Variants in CYSLTR1 observed in about 807,000 individuals in gnomAD.
CYSLTR1 encodes the protein cysteinyl leukotriene receptor 1.
CYSLTR1 carries 1 observed loss-of-function variant against 2.1 expected under a neutral mutation model. That is an observed-to-expected ratio of 0.48 (90% CI 0.17 to 2.28). The LOEUF (loss-of-function observed/expected upper bound fraction) is 2.28. CYSLTR1 is among the 30% of genes most tolerant of loss of function. The probability of loss-of-function intolerance (pLI) is 0.26; values close to 1 mark genes in which losing one functional copy is unlikely to be tolerated. For missense variants in CYSLTR1, 299 were observed against 250.1 expected (o/e 1.20, Z -1.32); for synonymous variants, 110 against 89.6 (o/e 1.23, Z -1.28).
At chrX:78,326,088 G>A (rs1222591466) in intron 1 of CYSLTR1, among the ~76,000 whole-genome samples, 1 of 111,753 alleles carries the variant, frequency 8.9e-6, no homozygotes, top group Non-Finnish European at 1.9e-5. Flanking sequence ...ACCCTGATTG[G>A]CTGGTGTAGT....
intron 1 of CYSLTR1, among the ~76,000 whole-genome samples, chrX:78,326,914 T>C (rs147397279): frequency 8.9e-6 from 1 of 112,257 alleles, no homozygotes; most frequent in Admixed American, 9.5e-5. Flanking sequence ...TTACCTTCAG[T>C]AATTACTACA....
At chrX:78,299,740 AT>A (rs1471648599) in intron 1 of CYSLTR1, among the ~76,000 whole-genome samples, 1 of 111,199 alleles carries the variant, frequency 9.0e-6, no homozygotes, top group Admixed American at 9.6e-5. Flanking sequence ...ACCTCTGAAA[AT>A]TTTGATTATT....
rs199796245 is a variant in CYSLTR1, at chrX:78,272,589, G to A, written c.*144C>T. 1.4e-4 allele frequency: 68 copies of A among 495,360 alleles called. No individual in the cohort carries two copies. Among genetic ancestry groups the A allele is most frequent in the Non-Finnish European group, 2.0e-4 (67 of 328,867 alleles). The allele number at this position is 495,360 out of a possible 1,213,427, so 40.8% of individuals were successfully genotyped here. On this transcript the variant is annotated 3_prime_UTR_variant, in exon 3 of 3. Transcript: ENST00000373304. ...TCTATAAATATCTAATCATGTGGAT[G>A]CATAAATGAGATAGAGTTGTAGGCC... is the stretch of plus-strand genomic sequence containing the variant.
intron 1 of CYSLTR1, among the ~76,000 whole-genome samples, chrX:78,293,617 A>G (rs1452189559): frequency 8.9e-6 from 1 of 111,900 alleles, no homozygotes; most frequent in Non-Finnish European, 1.9e-5. Context: ...AGGTACACCA[A>G]TCAGACGTAG....
chrX:78,276,016 A>G (rs1428119846), intron 2 of CYSLTR1, among the ~76,000 whole-genome samples: 1 of 112,500 alleles, frequency 8.9e-6, no homozygotes, highest in Non-Finnish European at 1.9e-5. Flanking sequence ...TAAGGCTCTG[A>G]AGAAATATGT....
At chrX:78,315,685 AG>A (rs1923389407) in intron 1 of CYSLTR1, among the ~76,000 whole-genome samples, 1 of 111,250 alleles carries the variant, frequency 9.0e-6, no homozygotes, top group Admixed American at 9.5e-5. Context: ...TGGAATGGGG[AG>A]GGAAGAGTGG....
At chrX:78,276,655 T>C (rs1470409563) in intron 2 of CYSLTR1, among the ~76,000 whole-genome samples, 1 of 110,918 alleles carries the variant, frequency 9.0e-6, no homozygotes, top group Non-Finnish European at 1.9e-5. Context: ...TTATTATTAT[T>C]ATTACCAAGA....
Position 78,310,814 on chromosome X carries a change from C to T in CYSLTR1, c.-115+16491G>A, listed in dbSNP as rs775243063. 5.4e-5 allele frequency among the ~76,000 whole-genome samples: 6 copies of T among 111,004 alleles called. No homozygotes were observed. In the South Asian group the frequency reaches 2.3e-3, roughly 42 times the overall value. On this transcript the variant is annotated intron_variant, in intron 1 of 2. Coordinates refer to ENST00000373304, the MANE Select transcript of CYSLTR1 (RefSeq NM_006639.4). ...GTAGCCTGGCATATTTAAGGAACAT[C>T]TAACATTTTGATATGGCTAAAATAT...
chrX:78,303,389 G>A (rs756276839), intron 1 of CYSLTR1, among the ~76,000 whole-genome samples: 4 of 97,821 alleles, frequency 4.1e-5, no homozygotes, highest in Non-Finnish European at 8.2e-5. Flanking sequence ...TGCTATGAGA[G>A]CTCACCTGAT....
intron 1 of CYSLTR1, among the ~76,000 whole-genome samples, chrX:78,315,702 A>C (rs1923389552): frequency 9.0e-6 from 1 of 111,586 alleles, no homozygotes; most frequent in Admixed American, 9.4e-5. Flanking sequence ...AGTGGGAAGG[A>C]CTGCATTTTG....
intron 1 of CYSLTR1, among the ~76,000 whole-genome samples, chrX:78,325,335 C>T (rs917213784): frequency 1.4e-4 from 16 of 111,668 alleles, no homozygotes; most frequent in Admixed American, 1.2e-3. Flanking sequence ...GCTAGCCCTA[C>T]TGTCTCCCCA....
intron 1 of CYSLTR1, among the ~76,000 whole-genome samples, chrX:78,297,083 G>A (rs1381495654): frequency 9.0e-6 from 1 of 111,278 alleles, no homozygotes; most frequent in Non-Finnish European, 1.9e-5. Context: ...TTAGTTTTTT[G>A]AGAGTTTTGA....
intron 1 of CYSLTR1, chrX:78,319,911 C>T (rs1675740036): frequency 8.9e-6 from 1 of 111,988 alleles, no homozygotes; most frequent in East Asian, 2.8e-4. Context: ...TAAATGTCTT[C>T]TTTTGAGAAG....
chrX:78,314,907 G>C (rs1343534386), intron 1 of CYSLTR1, among the ~76,000 whole-genome samples: 1 of 108,844 alleles, frequency 9.2e-6, no homozygotes, highest in Non-Finnish European at 1.9e-5. Context: ...GTGGACTAGA[G>C]AAGCATGTGA....
At chrX:78,281,200 C>A (rs1277587225) in intron 2 of CYSLTR1, among the ~76,000 whole-genome samples, 3 of 110,893 alleles carry the variant, frequency 2.7e-5, no homozygotes, top group Non-Finnish European at 5.7e-5. Context: ...ACACTCCCAC[C>A]AACAGTGTAT....
intron 1 of CYSLTR1, among the ~76,000 whole-genome samples, chrX:78,288,272 A>C (rs879112372): frequency 2.7e-5 from 3 of 111,539 alleles, no homozygotes; most frequent in African/African-American, 9.8e-5. Flanking sequence ...GAATTGTATG[A>C]ACAAGAATCA....
rs1400254257 is a variant in CYSLTR1, at chrX:78,272,255, T to C, written c.*478A>G. ...CAAAGAAGGGTGACAGTACGTTTTA[T>C]GTAGCTCCTGAGTCATCTCCAGTTC... On this transcript the variant is annotated 3_prime_UTR_variant, in exon 3 of 3. Transcript: ENST00000373304. 8.9e-6 allele frequency: 1 copy of C among 112,324 alleles called. No homozygotes were observed. The highest frequency in any genetic ancestry group is 3.2e-5 in the African/African-American group (1 of 30,875). The allele number at this position is 112,324 out of a possible 1,213,427, so 9.3% of individuals were successfully genotyped here.
chrX:78,301,634 A>T lies in CYSLTR1; in HGVS notation c.-114-18094T>A, dbSNP rs193160830. Among the ~76,000 whole-genome samples the T allele has an allele frequency of 3.3e-4, 37 of 112,101 alleles. 1 individual carries two copies. The East Asian group carries it at 7.3e-3, about 22-fold the overall frequency. On this transcript the variant is annotated intron_variant, in intron 1 of 2. Coordinates refer to ENST00000373304, the MANE Select transcript of CYSLTR1 (RefSeq NM_006639.4). ...TCAGCATTTTGGTCAAAGCCATTCA[A>T]CAAGTCTCTTGGAAGTTCTACTTTC...
intron 1 of CYSLTR1, among the ~76,000 whole-genome samples, chrX:78,302,598 G>C (rs1402864910): frequency 1.8e-5 from 2 of 111,016 alleles, no homozygotes; most frequent in Non-Finnish European, 3.8e-5. Context: ...ATTACTGCTG[G>C]TTATTCAGGA....
Sources: gnomAD v4.1 joint callset for allele counts (sites outside exome capture counted in the v4.1 genomes callset) on GRCh38, gnomAD v4.1.1 for gene constraint, MANE v1.5 for transcripts, NCBI Gene and HGNC (gene_info 2026-07-23, HGNC 2026-07-21) for gene names.